The following ZNF527 variants were observed in gnomAD, a reference collection of about 807,000 sequenced individuals.
The protein encoded by ZNF527 is zinc finger protein 527.
Under a neutral mutation model 13.5 loss-of-function variants are expected in ZNF527, and 5 were observed. The observed-to-expected ratio is 0.37, with a 90% CI of 0.19 to 0.78. ZNF527 has a LOEUF of 0.78. ZNF527 is among the 30% of genes least tolerant of loss of function. The pLI is 0.48. For missense variants in ZNF527, 628 were observed against 726.4 expected (o/e 0.86, Z 1.56); for synonymous variants, 209 against 243.1 (o/e 0.86, Z 1.30).
intron 4 of ZNF527, among the ~76,000 whole-genome samples, chr19:37,382,285 GTAGATAGATAGATAGATAGATAGA>G (rs10594777): frequency 3.4e-5 from 5 of 149,162 alleles, no homozygotes; most frequent in Non-Finnish European, 5.9e-5. Context: ...AGATAGATAG[GTAGATAGATAGATAGATAGATAGA>G]TAGATAGATA....
At chr19:37,385,456 G>A (rs1350592936) in intron 4 of ZNF527, 3 of 397,966 alleles carry the variant, frequency 7.5e-6, no homozygotes, top group Admixed American at 4.4e-5. Flanking sequence ...AACCCTGGTT[G>A]AGTTCTTTCA....
At chr19:37,377,356 A>G (rs1320073812) in intron 2 of ZNF527, among the ~76,000 whole-genome samples, 1 of 152,202 alleles carries the variant, frequency 6.6e-6, no homozygotes, top group Non-Finnish European at 1.5e-5. Flanking sequence ...GGGTAAGTAC[A>G]TATGGTGGCT....
Position 37,374,208 on chromosome 19 carries a change from G to A in ZNF527, c.10G>A (p.Gly4Arg). The A allele has an allele frequency of 6.2e-7, 1 of 1,613,946 alleles. No homozygotes were observed. The highest frequency in any genetic ancestry group is 2.2e-5 in the East Asian group (1 of 44,876). Residue 4 changes from glycine (G) to arginine (R), a missense_variant, in exon 2 of 5, where the codon GGG becomes AGG. Physicochemically the swap from Gly to Arg is moderately radical, Grantham distance 125. Around this residue, in one of 3 missense-constraint regions of ZNF527, gnomAD observed 33 missense variants for 31.2 expected, o/e 1.06. Coordinates refer to ENST00000436120, the MANE Select transcript of ZNF527 (RefSeq NM_032453.2). MAVGLCKAMSQGLV... is the reference protein window; with the variant it reads MAVRLCKAMSQGLV... ...AACTGAAGAAGGAGGAATGGCTGTG[G>A]GGCTTTGTAAAGCCATGTCCCAGGT...
At chr19:37,381,100 T>C (rs1361904121) in intron 4 of ZNF527, among the ~76,000 whole-genome samples, 1 of 152,232 alleles carries the variant, frequency 6.6e-6, no homozygotes, top group Non-Finnish European at 1.5e-5. Flanking sequence ...ATTTATTTTA[T>C]TATGGCCATT....
At chr19:37,380,440 T>G in intron 4 of ZNF527, 68 bp downstream of exon 4, 1 of 1,340,296 alleles carries the variant, frequency 7.5e-7, no homozygotes, top group Non-Finnish European at 1.1e-6. Flanking sequence ...AGTAGGAAAC[T>G]GTTTTGAGCT....
intron 2 of ZNF527, among the ~76,000 whole-genome samples, chr19:37,375,471 C>T (rs1053277456): frequency 2.0e-5 from 3 of 151,124 alleles, no homozygotes; most frequent in Non-Finnish European, 2.9e-5. Context: ...AAGCGATTCT[C>T]CTGCCTCAGC....
At chr19:37,373,578 G>A (rs2040576098) in intron 1 of ZNF527, among the ~76,000 whole-genome samples, 1 of 152,126 alleles carries the variant, frequency 6.6e-6, no homozygotes, top group Admixed American at 6.5e-5. Context: ...AAACAAAGCA[G>A]TATGTAACAT....
chr19:37,392,414 G>A lies in ZNF527; in HGVS notation c.*2535G>A, dbSNP rs754804256. ...TTATTTATTTATTTTTTTTGAGACA[G>A]GGTCTCACTCTGTTATCCAGGCTGG... On this transcript the variant is annotated 3_prime_UTR_variant, in exon 5 of 5. Transcript: ENST00000436120. 19 of 151,900 alleles carry A rather than the reference G, an allele frequency of 1.3e-4. No homozygotes were observed. Among genetic ancestry groups the A allele is most frequent in the Non-Finnish European group, 2.4e-4 (16 of 67,984 alleles). 9.4% of individuals were successfully genotyped at this position (151,900 alleles called of 1,614,324 possible).
At position 37,389,099 on chromosome 19, in the gene ZNF527, G is replaced by C. The variant is rs1206668303; in HGVS notation, c.1050G>C (p.Arg350Ser). Residue 350 changes from arginine (R) to serine (S), a missense_variant, in exon 5 of 5, where the codon AGG becomes AGC. By Grantham distance (110) the Arg-to-Ser change is moderately radical (BLOSUM62 -1). Transcript: ENST00000436120. ...GTGCTCACCTTGCTCAACATCAGAG[G>C]ATCCACACTGGAGAGAAACCGTTTG... ...RQSAHLAQHQRIHTGEKPFAC... is the reference protein window; with the variant it reads ...RQSAHLAQHQSIHTGEKPFAC... 5 of 1,614,196 alleles carry C rather than the reference G, an allele frequency of 3.1e-6. No homozygotes were observed. The East Asian group carries it at 6.7e-5, about 22-fold the overall frequency.
intron 4 of ZNF527, chr19:37,385,176 G>A: frequency 4.5e-6 from 2 of 447,028 alleles, no homozygotes; most frequent in Non-Finnish European, 7.9e-6. Context: ...TAAATTCTGG[G>A]CATTATTCAT....
chr19:37,372,926 C>A (rs145621225), intron 1 of ZNF527, among the ~76,000 whole-genome samples: 4 of 152,190 alleles, frequency 2.6e-5, no homozygotes, highest in African/African-American at 9.7e-5. Context: ...CCTGCCATCT[C>A]TAAAGATGCC....
chr19:37,384,950 T>A, intron 4 of ZNF527: 3 of 702,164 alleles, frequency 4.3e-6, no homozygotes, highest in Non-Finnish European at 7.8e-6. Context: ...TCAAGCAATC[T>A]TCTCACCTCA....
intron 4 of ZNF527, among the ~76,000 whole-genome samples, chr19:37,383,225 G>A (rs1254852030): frequency 2.1e-5 from 3 of 146,326 alleles, no homozygotes; most frequent in South Asian, 2.2e-4. Context: ...GGGAGAATGC[G>A]TTTCCTTGAT....
At chr19:37,377,416 G>A (rs1054306067) in intron 2 of ZNF527, among the ~76,000 whole-genome samples, 9 of 152,120 alleles carry the variant, frequency 5.9e-5, no homozygotes, top group South Asian at 2.1e-4. Context: ...ATGGTGGTTC[G>A]AGAGAGAGTT....
rs754595702 is a variant in ZNF527 at position 37,389,615 on chromosome 19, A to G, written c.1566A>G (p.Gly522=). Residue 522 remains glycine, a synonymous_variant, in exon 5 of 5, where the codon GGA becomes GGG. Coordinates refer to ENST00000436120, the MANE Select transcript of ZNF527 (RefSeq NM_032453.2). ...TTCACCATAAGAGAAGTCATGCAGG[A>G]GAGAAACCCTATGAATGTAACAAAT... is the stretch of plus-strand genomic sequence containing the variant. ...VLIHHKRSHA[G]EKPYECNKCG... 1.2e-6 allele frequency: 2 copies of G among 1,614,048 alleles called. No homozygotes were observed. The highest frequency in any genetic ancestry group is 2.7e-5 in the African/African-American group (2 of 74,936).
rs569759061 is a variant in ZNF527 at position 37,388,242 on chromosome 19, C to T, written c.257-64C>T. 15 of 1,550,072 alleles carry T rather than the reference C, an allele frequency of 9.7e-6. No homozygotes were observed. In the African/African-American group the frequency reaches 1.8e-4, roughly 18 times the overall value. On this transcript the variant is annotated intron_variant, in intron 4 of 4. Transcript: ENST00000436120. ...CCAGTTAAATTCTTCCATTTCTTCTCTAACAATTTTCTTCCTCATAGCAAA... is the reference window on the plus strand; with the variant it reads ...CCAGTTAAATTCTTCCATTTCTTCTTTAACAATTTTCTTCCTCATAGCAAA...
chr19:37,385,573 C>T (rs998757449), intron 4 of ZNF527: 1 of 378,974 alleles, frequency 2.6e-6, no homozygotes, highest in African/African-American at 2.1e-5. Context: ...TTATTGATTA[C>T]TTTTGTCCAA....
At chr19:37,379,301 T>G (rs767791433) in intron 3 of ZNF527, 55 bp downstream of exon 3, 11 of 1,525,066 alleles carry the variant, frequency 7.2e-6, no homozygotes, top group African/African-American at 1.4e-5. Context: ...TGTTTTTGCT[T>G]CCTCTGTTGA....
chr19:37,389,497 C>T lies in ZNF527; in HGVS notation c.1448C>T (p.Ser483Leu). ...IKCGKFFRTD[S>L]QLNRHHRIHT... ...TGTGGGAAGTTTTTTAGGACTGACT[C>T]ACAACTTAATCGACATCATAGAATT... The change falls in exon 5 of 5, where the codon TCA becomes TTA. Residue 483 changes from serine to leucine, a missense_variant. Coordinates refer to ENST00000436120, the MANE Select transcript of ZNF527 (RefSeq NM_032453.2). 6.2e-7 allele frequency: 1 copy of T among 1,614,122 alleles called. No homozygotes were observed. The highest frequency in any genetic ancestry group is 8.5e-7 in the Non-Finnish European group (1 of 1,180,016).
Sources: allele counts gnomAD v4.1 joint callset (sites outside exome capture counted in the v4.1 genomes callset), GRCh38; gene constraint gnomAD v4.1.1; regional missense constraint gnomAD v4.1.1; transcripts MANE v1.5; gene names NCBI Gene and HGNC (gene_info 2026-07-23, HGNC 2026-07-21).